CFAP299: variants seen among roughly 807,000 people sequenced by gnomAD.
CFAP299 encodes cilia- and flagella-associated protein 299.
CFAP299 carries 21 observed loss-of-function variants against 27.0 expected under a neutral mutation model. The observed-to-expected ratio is 0.78, with a 90% CI of 0.55 to 1.12. The LOEUF (loss-of-function observed/expected upper bound fraction) is 1.12, where lower values mean the gene tolerates loss of function less well. CFAP299 is among the 50% of genes most tolerant of loss of function. The pLI is 0.00. For missense variants in CFAP299, 310 were observed against 276.6 expected (o/e 1.12, Z -0.86); for synonymous variants, 104 against 98.1 (o/e 1.06, Z -0.36).
chr4:80,643,310 C>T (rs1352020168), intron 3 of CFAP299, among the ~76,000 whole-genome samples: 1 of 151,980 alleles, frequency 6.6e-6, no homozygotes, highest in Non-Finnish European at 1.5e-5. Context: ...GTGATAATGA[C>T]AGAAATCTGA....
chr4:80,900,123 A>AGTGTGTGTGTGTGTGTGTGTGT lies in CFAP299; in HGVS notation c.476+30005_476+30026dup, dbSNP rs3038537. 4.4e-3 allele frequency among the ~76,000 whole-genome samples: 612 copies of AGTGTGTGTGTGTGTGTGTGTGT among 139,864 alleles called. 10 individuals are homozygous for AGTGTGTGTGTGTGTGTGTGTGT. The highest frequency in any genetic ancestry group is 7.3e-3 in the Non-Finnish European group (474 of 64,818). 91.8% of individuals were successfully genotyped at this position (139,864 alleles called of 152,430 possible). A position where few individuals can be genotyped will look rare whatever the true frequency, so the allele number is the denominator to read the frequency against. On this transcript the variant is annotated intron_variant, in intron 4 of 5. Coordinates refer to ENST00000358105, the MANE Select transcript of CFAP299 (RefSeq NM_152770.3). The stretch of plus-strand genomic sequence containing the variant: ...AATAAATGACATAAAAGTGGAAGAA[A>AGTGTGTGTGTGTGTGTGTGTGT]GTGTGTGTGTGTGTGTGTGTGTGTG...
intron 2 of CFAP299, chr4:80,386,499 T>C (rs1560540594): frequency 6.7e-7 from 1 of 1,501,826 alleles, no homozygotes; most frequent in Non-Finnish European, 8.9e-7. Context: ...TGCCCTCTTC[T>C]CGCGGGCGGT....
At chr4:80,880,136 C>T (rs996660526) in intron 4 of CFAP299, among the ~76,000 whole-genome samples, 13 of 149,036 alleles carry the variant, frequency 8.7e-5, no homozygotes, top group Admixed American at 2.0e-4. Flanking sequence ...AGGAGGGAAG[C>T]GGGGAGAAAG....
intron 3 of CFAP299, among the ~76,000 whole-genome samples, chr4:80,719,543 A>G (rs1355563068): frequency 6.6e-6 from 1 of 152,200 alleles, no homozygotes; most frequent in Non-Finnish European, 1.5e-5. Context: ...AAATTCTGAT[A>G]TGTTGTGTTT....
intron 3 of CFAP299, among the ~76,000 whole-genome samples, chr4:80,651,127 C>T (rs1321919292): frequency 1.3e-5 from 2 of 151,884 alleles, no homozygotes; most frequent in Admixed American, 6.6e-5. Flanking sequence ...TATACAGGTG[C>T]CTTTTGCCAT....
chr4:80,677,488 A>G (rs1028278133), intron 3 of CFAP299, among the ~76,000 whole-genome samples: 1 of 151,956 alleles, frequency 6.6e-6, no homozygotes, highest in South Asian at 2.1e-4. Context: ...ACATAAAAAT[A>G]ATGTCATCTT....
Position 80,901,186 on chromosome 4 carries a change from A to T in CFAP299, c.476+31051A>T, listed in dbSNP as rs73829187. Among the ~76,000 whole-genome samples, 1,183 of 152,304 alleles carry T rather than the reference A, an allele frequency of 7.8e-3. 3 individuals carry two copies. The highest frequency in any genetic ancestry group is 0.014 in the Middle Eastern group (4 of 294). ...CACAGGCGTTATGGAGGGCAAAAAA[A>T]ATATACCTATCACAATCTGAAATGT... On this transcript the variant is annotated intron_variant, in intron 4 of 5. Transcript: ENST00000358105.
At chr4:80,629,325 G>C (rs1739085254) in intron 3 of CFAP299, among the ~76,000 whole-genome samples, 1 of 152,088 alleles carries the variant, frequency 6.6e-6, no homozygotes, top group Non-Finnish European at 1.5e-5. Context: ...GAGTCAGGGG[G>C]GAGAGATGTT....
chr4:80,533,976 T>G (rs1255615367), intron 2 of CFAP299, among the ~76,000 whole-genome samples: 1 of 152,060 alleles, frequency 6.6e-6, no homozygotes, highest in African/African-American at 2.4e-5. Context: ...TAAGCATTAA[T>G]TGGATCCAGT....
chr4:80,596,538 A>G (rs1431243087), intron 3 of CFAP299, among the ~76,000 whole-genome samples: 1 of 151,838 alleles, frequency 6.6e-6, no homozygotes, highest in Admixed American at 6.6e-5. Context: ...AGCTCTTGGC[A>G]TTCTGATTTT....
intron 1 of CFAP299, among the ~76,000 whole-genome samples, chr4:80,338,286 T>A (rs1376145316): frequency 1.3e-5 from 2 of 152,240 alleles, no homozygotes; most frequent in Non-Finnish European, 2.9e-5. Flanking sequence ...AATTATCATT[T>A]TTTTGTGGTG....
chr4:80,620,509 T>C (rs1271257992), intron 3 of CFAP299, among the ~76,000 whole-genome samples: 2 of 152,130 alleles, frequency 1.3e-5, no homozygotes, highest in Non-Finnish European at 2.9e-5. Context: ...TATATTTATA[T>C]TTTGGATTTT....
chr4:80,906,940 T>C (rs561971254), intron 4 of CFAP299, among the ~76,000 whole-genome samples: 6 of 152,356 alleles, frequency 3.9e-5, no homozygotes, highest in Non-Finnish European at 7.3e-5. Context: ...TCATTACTTA[T>C]GTAAATTTCT....
intron 3 of CFAP299, among the ~76,000 whole-genome samples, chr4:80,761,600 A>G (rs1725543225): frequency 6.6e-6 from 1 of 152,090 alleles, no homozygotes; most frequent in Non-Finnish European, 1.5e-5. Context: ...AATAAAGTAT[A>G]TGGCTGCAAA....
intron 2 of CFAP299, among the ~76,000 whole-genome samples, chr4:80,490,174 G>T (rs1327420469): frequency 1.3e-5 from 2 of 152,054 alleles, no homozygotes; most frequent in East Asian, 1.9e-4. Flanking sequence ...TAAAACTCTA[G>T]TAAGCAAAAC....
intron 4 of CFAP299, 92 bp from the exon 5 acceptor site, chr4:80,944,718 T>G: frequency 2.2e-6 from 2 of 910,286 alleles, no homozygotes; most frequent in Non-Finnish European, 3.3e-6. Context: ...CCACTTATCT[T>G]ATGACTGAAC....
intron 2 of CFAP299, chr4:80,386,304 G>T: frequency 7.8e-7 from 1 of 1,287,556 alleles, no homozygotes; most frequent in Non-Finnish European, 1.1e-6. Flanking sequence ...CACCAGCTCA[G>T]ATTCTGTGCC....
chr4:80,648,665 A>C (rs2109966865), intron 3 of CFAP299, among the ~76,000 whole-genome samples: 1 of 152,322 alleles, frequency 6.6e-6, no homozygotes, highest in South Asian at 2.1e-4. Flanking sequence ...TTGAGAAATA[A>C]GTAAAAATAT....
intron 3 of CFAP299, among the ~76,000 whole-genome samples, chr4:80,669,068 C>G (rs1443871172): frequency 7.1e-6 from 1 of 141,718 alleles, no homozygotes; most frequent in Non-Finnish European, 1.5e-5. Flanking sequence ...ATTTTATATT[C>G]TTTGTAGCTC....
Sources: gnomAD v4.1 joint callset for allele counts (sites outside exome capture counted in the v4.1 genomes callset) on GRCh38, gnomAD v4.1.1 for gene constraint, MANE v1.5 for transcripts, NCBI Gene and HGNC (gene_info 2026-07-23, HGNC 2026-07-21) for gene names.